SORCS2: variants seen among roughly 807,000 people sequenced by gnomAD.
SORCS2 encodes the protein VPS10 domain-containing receptor SorCS2.
In SORCS2, 100 loss-of-function variants were observed where a neutral mutation model predicts 141.6. The observed-to-expected ratio is 0.71, with a 90% CI of 0.60 to 0.83. SORCS2 has a LOEUF of 0.83. Ranked by LOEUF, SORCS2 falls within the 40% of genes least tolerant of loss-of-function variation. The pLI is 0.00. For synonymous variants in SORCS2, 789 were observed against 676.9 expected, an observed-to-expected ratio of 1.17 and a Z score of -2.57; for missense variants, 1,646 against 1,560.2, an observed-to-expected ratio of 1.05 and a Z score of -0.93.
intron 1 of SORCS2, among the ~76,000 whole-genome samples, chr4:7,249,717 A>G (rs371864882): frequency 1.3e-5 from 2 of 152,320 alleles, no homozygotes; most frequent in East Asian, 3.9e-4. Flanking sequence ...AAGCCCTCGC[A>G]CAAAGCACGT....
At chr4:7,372,272 G>A (rs1394909163) in intron 1 of SORCS2, among the ~76,000 whole-genome samples, 1 of 152,162 alleles carries the variant, frequency 6.6e-6, no homozygotes, top group African/African-American at 2.4e-5. Flanking sequence ...TTAGGTTTAT[G>A]GAGGTATAAA....
chr4:7,729,412 G>A (rs74330949), intron 22 of SORCS2, among the ~76,000 whole-genome samples, 175 bp from the exon 23 acceptor site: 5,719 of 152,136 alleles, frequency 0.038, 325 homozygotes, highest in African/African-American at 0.12. Context: ...GGTGCAGGGG[G>A]TAGCTCAGGG....
intron 3 of SORCS2, among the ~76,000 whole-genome samples, chr4:7,541,054 C>T (rs564065387): frequency 6.6e-6 from 1 of 152,224 alleles, no homozygotes; most frequent in Non-Finnish European, 1.5e-5. Context: ...CTGGACCTGC[C>T]ATCTGTCATG....
At chr4:7,571,539 T>C (rs1560395440) in intron 3 of SORCS2, among the ~76,000 whole-genome samples, 1 of 152,036 alleles carries the variant, frequency 6.6e-6, no homozygotes, top group East Asian at 1.9e-4. Context: ...GGCAGTCCCG[T>C]GGGACTACTA....
In SORCS2 at chr4:7,725,329, C is replaced by T. The variant is rs771998427; in HGVS notation, c.2745+42C>T. 5 of 1,591,734 alleles carry T rather than the reference C, an allele frequency of 3.1e-6. No homozygotes were observed. The South Asian group carries it at 3.4e-5, about 11-fold the overall frequency. ...CCAACTCAGCCCTTCTTCCCGCAGG[C>T]TCCCCACAAGCTGCACAGTGGGGCA... is the stretch of plus-strand genomic sequence containing the variant. On this transcript the variant is annotated intron_variant, in intron 20 of 26. Coordinates refer to ENST00000507866, the MANE Select transcript of SORCS2 (RefSeq NM_020777.3).
intron 2 of SORCS2, among the ~76,000 whole-genome samples, chr4:7,454,795 T>C (rs1577591833): frequency 9.4e-6 from 1 of 105,842 alleles, no homozygotes; most frequent in Non-Finnish European, 1.8e-5. Flanking sequence ...TGGGGTCTGG[T>C]GCTGTGTTGG....
chr4:7,728,482 A>G lies in SORCS2; in HGVS notation c.2982+20A>G. 6.4e-7 allele frequency: 1 copy of G among 1,567,054 alleles called. No homozygotes were observed. The highest frequency in any genetic ancestry group is 8.7e-7 in the Non-Finnish European group (1 of 1,148,658). ...TCCAAGGTGTCCACCCAGAGCCTAG[A>G]GCCTCCCCAGCCCCACGGTGCTTCC... On this transcript the variant is annotated intron_variant, in intron 22 of 26. Coordinates refer to ENST00000507866, the MANE Select transcript of SORCS2 (RefSeq NM_020777.3).
At chr4:7,216,938 C>T (rs563836957) in intron 1 of SORCS2, among the ~76,000 whole-genome samples, 10 of 152,344 alleles carry the variant, frequency 6.6e-5, no homozygotes, top group African/African-American at 9.6e-5. Flanking sequence ...ATTCTCCGTC[C>T]GCACTGCGTG....
At position 7,325,791 on chromosome 4, in the gene SORCS2, C is replaced by T. The variant is rs572684837; in HGVS notation, c.481-70497C>T. Among the ~76,000 whole-genome samples the T allele has an allele frequency of 1.6e-3, 243 of 152,314 alleles. 1 individual carries two copies. The highest frequency in any genetic ancestry group is 5.7e-3 in the African/African-American group (238 of 41,558). Reference sequence around the variant, plus strand: ...CCTCCCCCCACGCCCACCCTCCGGTCTTCTTGCTCTTCAGGCACAGAGACA... The same window carrying T: ...CCTCCCCCCACGCCCACCCTCCGGTTTTCTTGCTCTTCAGGCACAGAGACA... On this transcript the variant is annotated intron_variant, in intron 1 of 26. Coordinates refer to ENST00000507866, the MANE Select transcript of SORCS2 (RefSeq NM_020777.3).
At chr4:7,226,561 T>C (rs979789342) in intron 1 of SORCS2, among the ~76,000 whole-genome samples, 5 of 152,186 alleles carry the variant, frequency 3.3e-5, no homozygotes, top group Admixed American at 1.3e-4. Context: ...GGCTGTTTTT[T>C]CCAGGCACAC....
intron 3 of SORCS2, among the ~76,000 whole-genome samples, chr4:7,603,353 G>C (rs1717863397): frequency 6.6e-6 from 1 of 152,054 alleles, no homozygotes; most frequent in Non-Finnish European, 1.5e-5. Context: ...TTGTAATGAG[G>C]TTCTGAAATG....
At chr4:7,515,723 C>T (rs1407516466) in intron 2 of SORCS2, among the ~76,000 whole-genome samples, 1 of 152,238 alleles carries the variant, frequency 6.6e-6, no homozygotes, top group Non-Finnish European at 1.5e-5. Flanking sequence ...GGGGGTGGGG[C>T]TCAGTCTGTT....
chr4:7,205,370 A>C (rs1459685645), intron 1 of SORCS2, among the ~76,000 whole-genome samples: 2 of 152,272 alleles, frequency 1.3e-5, no homozygotes, highest in African/African-American at 4.8e-5. Context: ...TATAATTAGC[A>C]TAAAACAAAG....
intron 3 of SORCS2, among the ~76,000 whole-genome samples, chr4:7,586,281 G>A (rs139038431): frequency 1.8e-3 from 269 of 152,150 alleles, no homozygotes; most frequent in African/African-American, 5.5e-3. Flanking sequence ...CTGTTTCTAC[G>A]TTTTCATTCT....
intron 3 of SORCS2, among the ~76,000 whole-genome samples, chr4:7,619,241 C>A (rs1054411058): frequency 6.6e-6 from 1 of 152,164 alleles, no homozygotes; most frequent in Admixed American, 6.5e-5. Flanking sequence ...CCAGTGGCAG[C>A]GAATGATGGC....
intron 1 of SORCS2, among the ~76,000 whole-genome samples, chr4:7,372,914 G>A (rs896098786): frequency 2.6e-5 from 4 of 151,904 alleles, no homozygotes; most frequent in African/African-American, 9.7e-5. Flanking sequence ...AGGAGTTCGT[G>A]CCTCTTTGGT....
intron 3 of SORCS2, among the ~76,000 whole-genome samples, chr4:7,550,107 T>TC (rs1553882971): frequency 7.2e-6 from 1 of 139,618 alleles, no homozygotes; most frequent in African/African-American, 2.6e-5. Context: ...TTTTTTTTTT[T>TC]CCGTGTGTGT....
chr4:7,479,381 C>T (rs1394367523), intron 2 of SORCS2, among the ~76,000 whole-genome samples: 10 of 152,162 alleles, frequency 6.6e-5, no homozygotes, highest in African/African-American at 9.7e-5. Flanking sequence ...GCTGAGACCA[C>T]GTGCCCTAAA....
chr4:7,471,892 G>A (rs958499735), intron 2 of SORCS2, among the ~76,000 whole-genome samples: 1 of 152,250 alleles, frequency 6.6e-6, no homozygotes, highest in Admixed American at 6.5e-5. Flanking sequence ...CACTGGCCTA[G>A]GTCCAAGCAG....
Sources: allele counts gnomAD v4.1 joint callset (sites outside exome capture counted in the v4.1 genomes callset), GRCh38; gene constraint gnomAD v4.1.1; transcripts MANE v1.5; gene names NCBI Gene and HGNC (gene_info 2026-07-23, HGNC 2026-07-21).